Variants in NAA38 observed in about 807,000 individuals in gnomAD.
NAA38 encodes the protein LSM domain containing 1.
In NAA38, 15 loss-of-function variants were observed where a neutral mutation model predicts 12.6. The ratio of observed to expected loss-of-function variants is 1.19; its 90% CI spans 0.79 to 1.83. The LOEUF (loss-of-function observed/expected upper bound fraction) is 1.83. NAA38 is among the 40% of genes most tolerant of loss of function. NAA38 has a pLI of 0.00. For missense variants in NAA38, 183 were observed against 171.7 expected, an observed-to-expected ratio of 1.07 and a Z score of -0.37; for synonymous variants, 88 against 69.9, an observed-to-expected ratio of 1.26 and a Z score of -1.29.
At chr17:7,880,531 G>C (rs1284733451) in intron 2 of NAA38, among the ~76,000 whole-genome samples, 1 of 152,166 alleles carries the variant, frequency 6.6e-6, no homozygotes, top group Non-Finnish European at 1.5e-5. Context: ...TTAATCAGGA[G>C]AAAGCTTTTT....
At chr17:7,885,159 A>T in intron 1 of NAA38, 1 of 979,978 alleles carries the variant, frequency 1.0e-6, no homozygotes, top group South Asian at 4.6e-5. Flanking sequence ...GGGGCGAGGC[A>T]CCCACCGCGC....
chr17:7,862,605 G>A (rs2078890389), upstream of NAA38: 1 of 152,142 alleles, frequency 6.6e-6, no homozygotes, highest in African/African-American at 2.4e-5. Context: ...CGGGCGTGGT[G>A]GCACACACCT....
chr17:7,865,158 A>G (rs1966942414), intron 3 of NAA38: 1 of 152,234 alleles, frequency 6.6e-6, no homozygotes, highest in Admixed American at 6.5e-5. Flanking sequence ...AGATGCTCAC[A>G]TGACTCATCT....
chr17:7,857,323 C>CGGA, intron 1 of NAA38, 60 bp downstream of exon 1: 1 of 1,612,762 alleles, frequency 6.2e-7, no homozygotes, highest in Non-Finnish European at 8.5e-7. Flanking sequence ...TGCAGTTCCC[C>CGGA]ACCCCCTCCA....
At chr17:7,884,803 C>A in intron 1 of NAA38, 2 of 652,668 alleles carry the variant, frequency 3.1e-6, no homozygotes, top group Non-Finnish European at 4.6e-6. Context: ...GCCAGAGCCA[C>A]AGGATGGCTT....
chr17:7,868,843 A>G (rs1224328149), intron 2 of NAA38, among the ~76,000 whole-genome samples: 1 of 152,250 alleles, frequency 6.6e-6, no homozygotes, highest in East Asian at 1.9e-4. Flanking sequence ...TTTCCAACCT[A>G]ACAATAGTGT....
chr17:7,877,903 A>G, intron 2 of NAA38, among the ~76,000 whole-genome samples: 1 of 152,192 alleles, frequency 6.6e-6, no homozygotes, highest in East Asian at 1.9e-4. Context: ...GGAAACCGAA[A>G]GATAAAAGTT....
chr17:7,878,067 TATTG>T lies in NAA38; in HGVS notation c.-66+5164_-66+5167del, dbSNP rs1389755930. 3.9e-5 allele frequency among the ~76,000 whole-genome samples: 6 copies of T among 152,308 alleles called. No individual in the cohort carries two copies. In the South Asian group the frequency reaches 6.2e-4, roughly 16 times the overall value. ...GTAGCATGCAAGATGCTTTTACTTT[TATTG>T]ATTTTTATTTTAACAATATTGCATT... On this transcript the variant is annotated intron_variant, in intron 2 of 4. Coordinates refer to the NAA38 transcript ENST00000576861.
chr17:7,884,671 T>TGAG (rs1357899399), intron 1 of NAA38: 2 of 252,480 alleles, frequency 7.9e-6, no homozygotes, highest in Non-Finnish European at 1.4e-5. Flanking sequence ...GGGGAGGCGG[T>TGAG]GAGGAGGAGG....
At chr17:7,859,656 T>C, upstream of NAA38, 1 of 1,595,856 alleles carries the variant, frequency 6.3e-7, no homozygotes, top group Non-Finnish European at 8.6e-7. Context: ...GTATTTCGAG[T>C]TTGGCTTTTT....
chr17:7,877,699 T>C (rs1967199775), intron 2 of NAA38, among the ~76,000 whole-genome samples: 1 of 152,238 alleles, frequency 6.6e-6, no homozygotes, highest in African/African-American at 2.4e-5. Flanking sequence ...AGTGGAACTC[T>C]GTGTCAAAAA....
intron 2 of NAA38, among the ~76,000 whole-genome samples, chr17:7,870,620 G>A (rs1378296888): frequency 6.6e-6 from 1 of 151,998 alleles, no homozygotes; most frequent in Non-Finnish European, 1.5e-5. Flanking sequence ...GGTGGCTCAC[G>A]CCTGTAATCC....
chr17:7,874,472 T>G (rs901584019), intron 2 of NAA38, among the ~76,000 whole-genome samples: 3 of 152,048 alleles, frequency 2.0e-5, no homozygotes. Context: ...GAAGGAAATG[T>G]CAGGAGATAA....
intron 2 of NAA38, among the ~76,000 whole-genome samples, chr17:7,881,935 G>GCACA (rs1219346965): frequency 1.4e-5 from 2 of 146,944 alleles, no homozygotes; most frequent in East Asian, 4.8e-4. Flanking sequence ...TCAGGGAGGA[G>GCACA]CAGACAGGCA....
chr17:7,882,812 C>G (rs1359273255), intron 2 of NAA38, among the ~76,000 whole-genome samples: 2 of 152,158 alleles, frequency 1.3e-5, no homozygotes, highest in African/African-American at 4.8e-5. Flanking sequence ...CTAATACTTT[C>G]TGGTTGCTGC....
At chr17:7,884,771 T>G (rs914711990) in intron 1 of NAA38, 323 of 74,530 alleles carry the variant, frequency 4.3e-3, no homozygotes, top group African/African-American at 0.014. Flanking sequence ...GGGCGGGCGG[T>G]GGGTGGGGGG....
In NAA38 at chr17:7,856,765, T is replaced by C. The variant is rs748393800; in HGVS notation, c.344A>G (p.Gln115Arg). 1 of 1,614,014 alleles carries C rather than the reference T, an allele frequency of 6.2e-7. No homozygotes were observed. The highest frequency in any genetic ancestry group is 1.1e-5 in the South Asian group (1 of 91,078). Residue 115 changes from glutamine (Q) to arginine (R), a missense_variant, in exon 3 of 3, where the codon CAG (glutamine) becomes CGG (arginine). Gln to Arg is a conservative substitution (Grantham distance 43). Transcript: ENST00000575771. ...PGHHIVSIEV[Q>R]RESLTGPPYL The stretch of plus-strand genomic sequence containing the variant: ...CGGAGGCCCGGTCAGACTCTCCCTC[T>C]GCACCTCAATGGAAACGATGTGGTG...
chr17:7,857,538 C>A lies in NAA38; in HGVS notation c.-75G>T. On this transcript the variant is annotated 5_prime_UTR_variant, in exon 1 of 3. Transcript: ENST00000575771. ...GTTGGGTGGTCCGAGATCTCGCGAG[C>A]GCTCCCGACCTCTTTCCTTTCGCGA... 6.9e-7 allele frequency: 1 copy of A among 1,453,620 alleles called. No individual in the cohort carries two copies. The highest frequency in any genetic ancestry group is 9.0e-7 in the Non-Finnish European group (1 of 1,106,250). 90.0% of individuals were successfully genotyped at this position (1,453,620 alleles called of 1,614,324 possible).
intron 2 of NAA38, among the ~76,000 whole-genome samples, chr17:7,882,686 T>TAA (rs566866454): frequency 6.7e-6 from 1 of 148,386 alleles, no homozygotes. Flanking sequence ...AAGGCCAGGT[T>TAA]AAAAAAAAAA....
Sources: allele counts gnomAD v4.1 joint callset (sites outside exome capture counted in the v4.1 genomes callset), GRCh38; gene constraint gnomAD v4.1.1; transcripts MANE v1.5; gene names NCBI Gene and HGNC (gene_info 2026-07-23, HGNC 2026-07-21).